PLCE1: variants seen among roughly 807,000 people sequenced by gnomAD.
PLCE1 encodes phospholipase C epsilon 1, also known as 1-phosphatidylinositol 4,5-bisphosphate phosphodiesterase epsilon-1.
In PLCE1, 119 loss-of-function variants were observed where a neutral mutation model predicts 242.8. That is an observed-to-expected ratio of 0.49 (90% CI 0.42 to 0.57). The LOEUF is 0.57. Among genes scored for constraint, PLCE1 ranks in the 20% least tolerant of loss-of-function variants. The probability of loss-of-function intolerance (pLI) is 0.00; values close to 1 mark genes in which losing one functional copy is unlikely to be tolerated. For missense variants in PLCE1, 2,441 were observed against 2,788.8 expected, an observed-to-expected ratio of 0.88 and a Z score of 2.81; for synonymous variants, 945 against 1,017.4, an observed-to-expected ratio of 0.93 and a Z score of 1.35.
At chr10:94,009,699 A>C (rs928648480) in intron 1 of PLCE1, among the ~76,000 whole-genome samples, 4 of 152,236 alleles carry the variant, frequency 2.6e-5, no homozygotes, top group African/African-American at 9.6e-5. Flanking sequence ...GGCCCAAAGA[A>C]AGGGGCAAGA....
At chr10:94,228,833 A>T (rs530172588) in intron 5 of PLCE1, among the ~76,000 whole-genome samples, 1 of 152,276 alleles carries the variant, frequency 6.6e-6, no homozygotes, top group South Asian at 2.1e-4. Context: ...AGCCTTGGAG[A>T]ACAGGAGGTT....
chr10:94,147,596 G>C (rs972234731), intron 3 of PLCE1, among the ~76,000 whole-genome samples: 60 of 152,190 alleles, frequency 3.9e-4, no homozygotes, highest in Non-Finnish European at 7.3e-5. Flanking sequence ...ACTATATTGT[G>C]ACAGCGGAGG....
At chr10:94,271,536 G>A (rs565303632) in intron 18 of PLCE1, among the ~76,000 whole-genome samples, 9 of 151,528 alleles carry the variant, frequency 5.9e-5, no homozygotes, top group Admixed American at 2.6e-4. Context: ...GGATGGTCTC[G>A]AACTCCTGAC....
At chr10:94,314,206 G>A (rs2053490436) in intron 28 of PLCE1, among the ~76,000 whole-genome samples, 1 of 152,210 alleles carries the variant, frequency 6.6e-6, no homozygotes, top group African/African-American at 2.4e-5. Context: ...CAGGGCCCAT[G>A]CGTAATTCCT....
chr10:94,031,546 G>A lies in PLCE1; in HGVS notation c.500G>A (p.Gly167Glu). Residue 167 changes from glycine to glutamate, a missense_variant, in exon 2 of 33, where the codon GGA becomes GAA. Coordinates refer to ENST00000371380, the MANE Select transcript of PLCE1 (RefSeq NM_016341.4). ...CCTTCCATGGGCATTAGTCCTTTAG[G>A]AAATCAGTCAGTGATCATAGAGACA... is the stretch of plus-strand genomic sequence containing the variant. ...DRPSMGISPL[G>E]NQSVIIETGR... is the part of the protein sequence containing the mutation. 6.2e-7 allele frequency: 1 copy of A among 1,612,226 alleles called. No homozygotes were observed.
Position 94,054,750 on chromosome 10 carries a change from T to C in PLCE1, c.1206+22498T>C, listed in dbSNP as rs954819008. ...TGTTCAGGCCGAGTGCAGTGGCTCATGCCTGTAATCCCAGCACTTTGGGAG... is the reference window on the plus strand; with the variant it reads ...TGTTCAGGCCGAGTGCAGTGGCTCACGCCTGTAATCCCAGCACTTTGGGAG... On this transcript the variant is annotated intron_variant, in intron 2 of 32. Transcript: ENST00000371380. 3.3e-5 allele frequency among the ~76,000 whole-genome samples: 5 copies of C among 152,210 alleles called. No individual in the cohort carries two copies. The East Asian group carries it at 7.7e-4, about 24-fold the overall frequency.
chr10:94,202,592 C>A (rs2049019603), intron 4 of PLCE1, among the ~76,000 whole-genome samples: 1 of 152,146 alleles, frequency 6.6e-6, no homozygotes, highest in Non-Finnish European at 1.5e-5. Context: ...GATATTTCCC[C>A]CATTATTACT....
At chr10:94,015,095 A>G (rs1217978210) in intron 1 of PLCE1, among the ~76,000 whole-genome samples, 1 of 152,200 alleles carries the variant, frequency 6.6e-6, no homozygotes, top group African/African-American at 2.4e-5. Context: ...TAAATTGGAA[A>G]TTGTCATCTT....
At chr10:94,322,911 C>G (rs143792530) in intron 30 of PLCE1, among the ~76,000 whole-genome samples, 1 of 152,104 alleles carries the variant, frequency 6.6e-6, no homozygotes, top group African/African-American at 2.4e-5. Context: ...GAGCCAAAAT[C>G]GTGCCACTTT....
chr10:94,086,893 A>T (rs1191660249), intron 2 of PLCE1, among the ~76,000 whole-genome samples: 2 of 152,186 alleles, frequency 1.3e-5, no homozygotes, highest in Non-Finnish European at 2.9e-5. Flanking sequence ...TACTTGCCTT[A>T]CTGGGGCTAT....
intron 2 of PLCE1, among the ~76,000 whole-genome samples, chr10:94,053,772 T>G (rs1270246484): frequency 6.6e-6 from 1 of 152,242 alleles, no homozygotes; most frequent in Non-Finnish European, 1.5e-5. Context: ...GCTGCCAAGA[T>G]GCTAGTCACA....
intron 18 of PLCE1, 48 bp downstream of exon 18, chr10:94,270,650 C>A: frequency 1.8e-6 from 2 of 1,112,054 alleles, no homozygotes; most frequent in Non-Finnish European, 2.8e-6. Flanking sequence ...CCTTGTTTTG[C>A]AATTGTCATT....
chr10:94,273,770 A>G (rs1309283239), intron 19 of PLCE1, 50 bp downstream of exon 19: 1 of 1,521,844 alleles, frequency 6.6e-7, no homozygotes, highest in Non-Finnish European at 9.1e-7. Flanking sequence ...GCCTAGAACA[A>G]AGAAAAATAA....
chr10:94,188,593 GTTTGT>G (rs546953682), intron 4 of PLCE1, among the ~76,000 whole-genome samples: 1 of 152,056 alleles, frequency 6.6e-6, no homozygotes, highest in East Asian at 1.9e-4. Flanking sequence ...TTGTTCGTTT[GTTTGT>G]TTTGTTTTGT....
At chr10:94,217,010 A>G (rs2049552052) in intron 4 of PLCE1, among the ~76,000 whole-genome samples, 1 of 150,056 alleles carries the variant, frequency 6.7e-6, no homozygotes, top group Non-Finnish European at 1.5e-5. Flanking sequence ...TCAACAGTAA[A>G]TTAGCAAACA....
At chr10:94,065,553 A>G (rs893706633) in intron 2 of PLCE1, among the ~76,000 whole-genome samples, 1 of 152,208 alleles carries the variant, frequency 6.6e-6, no homozygotes, top group African/African-American at 2.4e-5. Flanking sequence ...GATCGCAGGC[A>G]TGAGGCTTAT....
At chr10:94,214,920 C>T (rs1300154490) in intron 4 of PLCE1, among the ~76,000 whole-genome samples, 1 of 152,196 alleles carries the variant, frequency 6.6e-6, no homozygotes, top group Non-Finnish European at 1.5e-5. Flanking sequence ...CTTCCCCATC[C>T]AGGGTACTTG....
intron 3 of PLCE1, among the ~76,000 whole-genome samples, chr10:94,135,183 T>C (rs1422780867): frequency 6.6e-6 from 1 of 152,230 alleles, no homozygotes; most frequent in East Asian, 1.9e-4. Context: ...GTTAGCTCAG[T>C]TGAACCATTC....
chr10:94,221,604 G>A (rs1234094707), intron 4 of PLCE1, among the ~76,000 whole-genome samples: 3 of 152,132 alleles, frequency 2.0e-5, no homozygotes, highest in Non-Finnish European at 1.5e-5. Context: ...GTGTGGTGGC[G>A]CATGCCTGTA....
Sources: gnomAD v4.1 joint callset for allele counts (sites outside exome capture counted in the v4.1 genomes callset) on GRCh38, gnomAD v4.1.1 for gene constraint, MANE v1.5 for transcripts, NCBI Gene and HGNC (gene_info 2026-07-23, HGNC 2026-07-21) for gene names.